The following CDKAL1 variants were observed in gnomAD, a reference collection of about 807,000 sequenced individuals.
CDKAL1 encodes CDKAL1 threonylcarbamoyladenosine tRNA methylthiotransferase.
A neutral mutation model predicts 68.2 loss-of-function variants in CDKAL1; 32 were observed. That is an observed-to-expected ratio of 0.47 (90% CI 0.35 to 0.63). The LOEUF is 0.63. Among genes scored for constraint, CDKAL1 ranks in the 30% least tolerant of loss-of-function variants. CDKAL1 has a pLI of 0.00. For missense variants in CDKAL1, 606 were observed against 696.7 expected (o/e 0.87, Z 1.47); for synonymous variants, 234 against 244.3 (o/e 0.96, Z 0.39).
intron 10 of CDKAL1, among the ~76,000 whole-genome samples, chr6:20,958,445 G>A (rs758524208): frequency 5.3e-5 from 8 of 152,106 alleles, no homozygotes; most frequent in Non-Finnish European, 1.2e-4. Context: ...GTGTCAAAAC[G>A]GGCAGTAGGG....
At chr6:20,820,185 C>T (rs1435203851) in intron 8 of CDKAL1, among the ~76,000 whole-genome samples, 4 of 152,176 alleles carry the variant, frequency 2.6e-5, no homozygotes, top group Admixed American at 2.6e-4. Flanking sequence ...CAGTTCCTCC[C>T]ACACAAGTTG....
At chr6:20,629,785 G>A (rs921513368) in intron 4 of CDKAL1, among the ~76,000 whole-genome samples, 15 of 151,782 alleles carry the variant, frequency 9.9e-5, no homozygotes, top group African/African-American at 3.4e-4. Context: ...GATGCCCCAT[G>A]TTCTTCTTGG....
chr6:20,585,990 A>G (rs969424205), intron 4 of CDKAL1, among the ~76,000 whole-genome samples: 25 of 152,154 alleles, frequency 1.6e-4, no homozygotes, highest in Admixed American at 8.5e-4. Flanking sequence ...TGTTCTTCAT[A>G]TCTCAGTAAA....
chr6:21,024,259 T>C (rs567972318), intron 11 of CDKAL1, among the ~76,000 whole-genome samples: 61 of 152,336 alleles, frequency 4.0e-4, no homozygotes, highest in African/African-American at 1.4e-3. Flanking sequence ...GCCTGTGCAA[T>C]GTTGACCTAT....
chr6:21,221,322 GGGCTCAA>G (rs928236889), intron 15 of CDKAL1, among the ~76,000 whole-genome samples: 1 of 151,906 alleles, frequency 6.6e-6, no homozygotes, highest in African/African-American at 2.4e-5. Flanking sequence ...TCCACCTCCT[GGGCTCAA>G]GTGATCCTCC....
intron 4 of CDKAL1, among the ~76,000 whole-genome samples, chr6:20,594,407 G>A (rs970505517): frequency 5.9e-5 from 9 of 151,992 alleles, no homozygotes; most frequent in South Asian, 2.1e-4. Flanking sequence ...TTCTTGTTGC[G>A]TTGATCCCTT....
intron 10 of CDKAL1, among the ~76,000 whole-genome samples, chr6:20,984,938 G>A (rs754889074): frequency 2.8e-4 from 42 of 152,148 alleles, no homozygotes; most frequent in Non-Finnish European, 5.7e-4. Flanking sequence ...CCAGGGACCT[G>A]CCCTTTTCTA....
At chr6:20,552,235 G>A (rs1581713109) in intron 4 of CDKAL1, among the ~76,000 whole-genome samples, 1 of 151,922 alleles carries the variant, frequency 6.6e-6, no homozygotes, top group Admixed American at 6.6e-5. Context: ...TGTAGTCCCA[G>A]TTACTTGAGA....
intron 10 of CDKAL1, among the ~76,000 whole-genome samples, chr6:20,971,448 CTT>C (rs2150754714): frequency 6.6e-6 from 1 of 152,210 alleles, no homozygotes; most frequent in South Asian, 2.1e-4. Context: ...GATAATCAAA[CTT>C]AAAATTAATA....
intron 10 of CDKAL1, among the ~76,000 whole-genome samples, chr6:20,962,964 G>T (rs974300706): frequency 7.2e-5 from 11 of 152,288 alleles, no homozygotes; most frequent in African/African-American, 2.4e-4. Context: ...TAAGAGGTCA[G>T]TGAAACACCT....
intron 8 of CDKAL1, among the ~76,000 whole-genome samples, chr6:20,825,311 A>G (rs528291328): frequency 6.9e-6 from 1 of 145,728 alleles, no homozygotes; most frequent in Admixed American, 7.0e-5. Context: ...ATGACATAAT[A>G]ATTTTGAATT....
intron 11 of CDKAL1, among the ~76,000 whole-genome samples, chr6:21,060,117 C>A (rs2150925235): frequency 6.6e-6 from 1 of 152,160 alleles, no homozygotes; most frequent in East Asian, 1.9e-4. Context: ...TTGATTTTAT[C>A]ATTCTTTAAA....
intron 4 of CDKAL1, among the ~76,000 whole-genome samples, chr6:20,614,191 T>C (rs1236303959): frequency 6.6e-6 from 1 of 152,176 alleles, no homozygotes; most frequent in Non-Finnish European, 1.5e-5. Flanking sequence ...TCCAGATTTT[T>C]CCCCCTTTGC....
intron 8 of CDKAL1, among the ~76,000 whole-genome samples, chr6:20,799,975 T>C (rs1325280105): frequency 3.9e-5 from 6 of 152,242 alleles, no homozygotes; most frequent in Non-Finnish European, 7.3e-5. Context: ...CAGGCCCTTA[T>C]ATTTACCATT....
intron 10 of CDKAL1, 48 bp downstream of exon 10, chr6:20,955,633 C>T: frequency 6.5e-7 from 1 of 1,548,650 alleles, no homozygotes; most frequent in Admixed American, 1.8e-5. Flanking sequence ...ACTAACCAGT[C>T]CAGACAGTGT....
intron 10 of CDKAL1, among the ~76,000 whole-genome samples, chr6:20,980,214 GATATA>G (rs750555253): frequency 8.6e-5 from 13 of 151,764 alleles, no homozygotes; most frequent in Admixed American, 6.6e-4. Context: ...TATAGATATA[GATATA>G]GATATAGATA....
chr6:20,988,613 G>T (rs997377103), intron 10 of CDKAL1, among the ~76,000 whole-genome samples: 1 of 151,944 alleles, frequency 6.6e-6, no homozygotes, highest in African/African-American at 2.4e-5. Flanking sequence ...GGGGGGAAAA[G>T]AGACTGAGAG....
intron 8 of CDKAL1, among the ~76,000 whole-genome samples, chr6:20,815,686 G>T (rs1257639178): frequency 6.6e-6 from 1 of 151,730 alleles, no homozygotes; most frequent in African/African-American, 2.4e-5. Context: ...ATTAAAAAAA[G>T]GTTTAGAAAA....
intron 4 of CDKAL1, among the ~76,000 whole-genome samples, chr6:20,562,092 T>C (rs1297752925): frequency 3.3e-5 from 5 of 152,228 alleles, no homozygotes; most frequent in African/African-American, 1.2e-4. Context: ...TCAAACTTAA[T>C]ACAGTATGGT....
Sources: allele counts gnomAD v4.1 joint callset (sites outside exome capture counted in the v4.1 genomes callset), GRCh38; gene constraint gnomAD v4.1.1; transcripts MANE v1.5; gene names NCBI Gene and HGNC (gene_info 2026-07-23, HGNC 2026-07-21).